KDM4C: variants seen among roughly 807,000 people sequenced by gnomAD.
KDM4C encodes lysine-specific demethylase 4C.
In KDM4C, 81 loss-of-function variants were observed where a neutral mutation model predicts 129.3. The ratio of observed to expected loss-of-function variants is 0.63; its 90% CI spans 0.52 to 0.75. The LOEUF (loss-of-function observed/expected upper bound fraction) is 0.75, where lower values mean the gene tolerates loss of function less well. KDM4C is among the 30% of genes least tolerant of loss of function. The pLI, the probability that KDM4C is intolerant of heterozygous loss-of-function variation, is 0.00. For synonymous variants in KDM4C, 573 were observed against 456.1 expected (o/e 1.26, Z -3.26); for missense variants, 1,457 against 1,304.0 (o/e 1.12, Z -1.81).
intron 19 of KDM4C, among the ~76,000 whole-genome samples, chr9:7,149,870 C>A (rs1266093722): frequency 1.3e-5 from 2 of 152,178 alleles, no homozygotes; most frequent in African/African-American, 4.8e-5. Flanking sequence ...AAAGAAGGAT[C>A]TAAGAGGAAG....
rs1362997681 is a variant in KDM4C, at chr9:7,175,287, G to GA, written c.*560dup. The GA allele has an allele frequency of 9.8e-5, 15 of 152,786 alleles. No homozygotes were observed. The highest frequency in any genetic ancestry group is 3.6e-4 in the African/African-American group (15 of 41,582). The allele number at this position is 152,786 out of a possible 1,614,324, so 9.5% of individuals were successfully genotyped here. On this transcript the variant is annotated 3_prime_UTR_variant, in exon 22 of 22. Coordinates refer to ENST00000381309, the MANE Select transcript of KDM4C (RefSeq NM_015061.6). ...GTGCTATCTGTATTTCCCTTGTACAGAACTTTTACATTTTTGAATATTCCT... is the reference window on the plus strand; with the variant it reads ...GTGCTATCTGTATTTCCCTTGTACAGAAACTTTTACATTTTTGAATATTCCT...
chr9:6,791,094 A>G (rs1217442820), intron 1 of KDM4C, among the ~76,000 whole-genome samples: 1 of 152,136 alleles, frequency 6.6e-6, no homozygotes, highest in Non-Finnish European at 1.5e-5. Flanking sequence ...CTTTCTGGGA[A>G]AATGATTGCT....
rs568124558 is a variant in KDM4C at position 6,793,146 on chromosome 9, G to C, written c.144+14G>C. 8 of 1,604,854 alleles carry C rather than the reference G, an allele frequency of 5.0e-6. No homozygotes were observed. The highest frequency in any genetic ancestry group is 2.2e-5 in the East Asian group (1 of 44,692). ...GGTCTTGCAAAGGTGATTATCCTTC[G>C]ATGCTTTAAATGAAAAACAATCACT... On this transcript the variant is annotated intron_variant, in intron 2 of 21. Transcript: ENST00000381309.
chr9:6,989,869 G>A (rs1222456571), intron 11 of KDM4C, among the ~76,000 whole-genome samples: 2 of 151,912 alleles, frequency 1.3e-5, no homozygotes, highest in East Asian at 1.9e-4. Flanking sequence ...CCACCTCCTG[G>A]GCTCAAGGGA....
intron 9 of KDM4C, chr9:6,982,146 T>C (rs1012113825): frequency 6.6e-6 from 1 of 152,146 alleles, no homozygotes; most frequent in Non-Finnish European, 1.5e-5. Flanking sequence ...TTGTGTCCAC[T>C]TTTTTGATAT....
At chr9:7,050,937 A>T (rs549662117) in intron 17 of KDM4C, among the ~76,000 whole-genome samples, 2 of 152,296 alleles carry the variant, frequency 1.3e-5, no homozygotes, top group Non-Finnish European at 1.5e-5. Flanking sequence ...CTTCATCTTG[A>T]TAGTGCATAT....
intron 1 of KDM4C, among the ~76,000 whole-genome samples, chr9:6,744,694 C>A (rs1388679116): frequency 6.6e-6 from 1 of 152,158 alleles, no homozygotes; most frequent in Non-Finnish European, 1.5e-5. Context: ...CACCCTCAGC[C>A]AACAGCTTAA....
intron 18 of KDM4C, among the ~76,000 whole-genome samples, chr9:7,121,592 T>C (rs1326242764): frequency 6.6e-6 from 1 of 152,144 alleles, no homozygotes; most frequent in African/African-American, 2.4e-5. Flanking sequence ...TTTGGGCAGT[T>C]TGGAAATTTA....
chr9:6,889,294 G>A (rs1845776066), intron 7 of KDM4C, among the ~76,000 whole-genome samples: 1 of 149,872 alleles, frequency 6.7e-6, no homozygotes, highest in Non-Finnish European at 1.5e-5. Flanking sequence ...TTTTTCAAGT[G>A]CCAGGGTTCA....
intron 18 of KDM4C, among the ~76,000 whole-genome samples, chr9:7,108,418 A>G (rs1016482749): frequency 6.6e-6 from 1 of 151,932 alleles, no homozygotes; most frequent in Non-Finnish European, 1.5e-5. Context: ...TGTATTATTT[A>G]TAGAGACTGG....
chr9:6,836,204 C>A (rs559481912), intron 4 of KDM4C, among the ~76,000 whole-genome samples: 4 of 152,106 alleles, frequency 2.6e-5, no homozygotes, highest in Non-Finnish European at 4.4e-5. Flanking sequence ...GTAATCCCAA[C>A]ACTTTGGGAG....
chr9:6,857,926 T>G (rs975031439), intron 5 of KDM4C, among the ~76,000 whole-genome samples: 19 of 128,292 alleles, frequency 1.5e-4, no homozygotes, highest in Admixed American at 7.0e-4. Context: ...GGCTAAGTTT[T>G]TTTTTTTTTT....
At chr9:6,976,968 G>C (rs1417619281) in intron 8 of KDM4C, among the ~76,000 whole-genome samples, 1 of 152,064 alleles carries the variant, frequency 6.6e-6, no homozygotes, top group Non-Finnish European at 1.5e-5. Flanking sequence ...ACAACAATTT[G>C]TGTTTCATTT....
chr9:7,135,813 C>T (rs1212007080), intron 19 of KDM4C, among the ~76,000 whole-genome samples: 1 of 152,182 alleles, frequency 6.6e-6, no homozygotes, highest in African/African-American at 2.4e-5. Context: ...CTTTGAGGTG[C>T]TCTGGAGTTT....
intron 8 of KDM4C, among the ~76,000 whole-genome samples, chr9:6,904,697 G>C (rs771574953): frequency 6.6e-6 from 1 of 152,162 alleles, no homozygotes; most frequent in Non-Finnish European, 1.5e-5. Context: ...CTGAATGACA[G>C]CATTTATAAC....
intron 10 of KDM4C, among the ~76,000 whole-genome samples, chr9:6,984,960 AT>A (rs141412111): frequency 0.27 from 40,916 of 151,878 alleles, 5,995 homozygotes; most frequent in Middle Eastern, 0.4. Flanking sequence ...TGCTTTAGTG[AT>A]TTGCCTCTTT....
At chr9:7,014,774 C>T (rs1469324796) in intron 14 of KDM4C, among the ~76,000 whole-genome samples, 1 of 151,884 alleles carries the variant, frequency 6.6e-6, no homozygotes, top group Non-Finnish European at 1.5e-5. Flanking sequence ...AGTAATAATT[C>T]CTTTGTATTA....
At chr9:6,838,688 G>A (rs139609136) in intron 4 of KDM4C, among the ~76,000 whole-genome samples, 5 of 152,172 alleles carry the variant, frequency 3.3e-5, no homozygotes, top group Admixed American at 6.6e-5. Context: ...CTGTAAAATC[G>A]TAGGTATTTG....
At chr9:6,773,298 G>A (rs1822284493) in intron 1 of KDM4C, among the ~76,000 whole-genome samples, 1 of 152,160 alleles carries the variant, frequency 6.6e-6, no homozygotes, top group Non-Finnish European at 1.5e-5. Flanking sequence ...CAGCCACAAT[G>A]TGCAAATGCT....
Sources: gnomAD v4.1 joint callset for allele counts (sites outside exome capture counted in the v4.1 genomes callset) on GRCh38, gnomAD v4.1.1 for gene constraint, MANE v1.5 for transcripts, NCBI Gene and HGNC (gene_info 2026-07-23, HGNC 2026-07-21) for gene names.